Variants in MACROD1 observed in about 807,000 individuals in gnomAD.
MACROD1 encodes mono-ADP ribosylhydrolase 1, also known as ADP-ribose glycohydrolase MACROD1.
A neutral mutation model predicts 41.4 loss-of-function variants in MACROD1; 31 were observed. The observed-to-expected ratio is 0.75, with a 90% CI of 0.56 to 1.01. MACROD1 has a LOEUF of 1.01. Ranked by LOEUF, MACROD1 falls within the 50% of genes least tolerant of loss-of-function variation. The pLI is 0.00. For synonymous variants in MACROD1, 252 were observed against 203.4 expected, an observed-to-expected ratio of 1.24 and a Z score of -2.03; for missense variants, 473 against 460.0, an observed-to-expected ratio of 1.03 and a Z score of -0.26.
rs776442181 is a variant in MACROD1, at chr11:63,998,998, G to A, written c.930C>T (p.Asp310=). The A allele has an allele frequency of 1.3e-5, 21 of 1,608,978 alleles. No individual in the cohort carries two copies. Among genetic ancestry groups the A allele is most frequent in the South Asian group, 5.5e-5 (5 of 90,494 alleles). ...RLIICVFLEK[D]EDIYRSRLPH... ...GGAGCCGGCTCCGGTAGATGTCCTC[G>A]TCCTTCTCGAGGAACACGCAGATGA... Residue 310 remains aspartate, a synonymous_variant, in exon 9 of 11, where the codon GAC becomes GAT. Transcript: ENST00000255681.
chr11:64,040,248 G>A (rs1034411405), intron 3 of MACROD1, among the ~76,000 whole-genome samples: 1 of 152,090 alleles, frequency 6.6e-6, no homozygotes, highest in Non-Finnish European at 1.5e-5. Flanking sequence ...AGTAACAGAG[G>A]GGCCTGCTGA....
At chr11:64,073,800 C>T (rs1183756477) in intron 3 of MACROD1, among the ~76,000 whole-genome samples, 1 of 152,230 alleles carries the variant, frequency 6.6e-6, no homozygotes, top group Non-Finnish European at 1.5e-5. Flanking sequence ...CCAGCAGCCG[C>T]ATCCAGCCCT....
intron 3 of MACROD1, among the ~76,000 whole-genome samples, chr11:64,073,377 TG>T (rs966453371): frequency 4.6e-5 from 7 of 152,148 alleles, no homozygotes; most frequent in African/African-American, 1.7e-4. Flanking sequence ...AGACCAGACT[TG>T]GGGGTCCCAG....
intron 3 of MACROD1, among the ~76,000 whole-genome samples, chr11:64,112,607 A>C (rs767311365): frequency 1.7e-4 from 26 of 151,972 alleles, no homozygotes; most frequent in Middle Eastern, 3.4e-3. Flanking sequence ...AACTGAGAGG[A>C]GTATCTGGGA....
chr11:64,150,933 C>G (rs1945565869), intron 3 of MACROD1, among the ~76,000 whole-genome samples: 1 of 152,224 alleles, frequency 6.6e-6, no homozygotes, highest in African/African-American at 2.4e-5. Context: ...CCCCCAAGGT[C>G]AGACCTCCCC....
At chr11:64,058,809 C>T (rs1035545292) in intron 3 of MACROD1, among the ~76,000 whole-genome samples, 3 of 152,104 alleles carry the variant, frequency 2.0e-5, no homozygotes, top group African/African-American at 2.4e-5. Flanking sequence ...TCCTCTCTGA[C>T]GGGTGGGAGG....
At chr11:64,077,966 GCCTCCTTTCCCCTGCCT>G (rs970403133) in intron 3 of MACROD1, among the ~76,000 whole-genome samples, 76 of 150,398 alleles carry the variant, frequency 5.1e-4, no homozygotes, top group African/African-American at 1.8e-3. Flanking sequence ...GCTCAGCCTG[GCCTCCTTTCCCCTGCCT>G]CCTCCTCAGC....
At chr11:64,000,144 T>C (rs1942796026) in intron 5 of MACROD1, 83 bp downstream of exon 5, 1 of 1,148,132 alleles carries the variant, frequency 8.7e-7, no homozygotes, top group South Asian at 1.3e-5. Context: ...CCAGCACTCC[T>C]GTGGGGGCCG....
At chr11:64,083,468 A>G (rs1488635833) in intron 3 of MACROD1, among the ~76,000 whole-genome samples, 1 of 152,104 alleles carries the variant, frequency 6.6e-6, no homozygotes, top group African/African-American at 2.4e-5. Context: ...AAAGAAGCAA[A>G]TGGCAGGATT....
chr11:64,009,901 G>T (rs374949928), intron 4 of MACROD1, among the ~76,000 whole-genome samples: 4 of 152,394 alleles, frequency 2.6e-5, no homozygotes, highest in Admixed American at 1.3e-4. Flanking sequence ...CTGAGCCCCA[G>T]TTGCGCCGGC....
intron 3 of MACROD1, among the ~76,000 whole-genome samples, chr11:64,105,907 C>T (rs142497616): frequency 1.2e-4 from 16 of 133,650 alleles, no homozygotes; most frequent in Non-Finnish European, 2.3e-4. Context: ...CAGACAATCG[C>T]TGAGGTCCTT....
At chr11:63,999,837 T>C (rs1301395343) in intron 5 of MACROD1, 74 bp from the exon 6 acceptor site, 13 of 1,499,030 alleles carry the variant, frequency 8.7e-6, no homozygotes, top group Non-Finnish European at 9.9e-6. Context: ...CCTGCCGGCC[T>C]GGGCAGAAGG....
intron 3 of MACROD1, among the ~76,000 whole-genome samples, chr11:64,127,668 C>A (rs1028288292): frequency 6.6e-6 from 1 of 152,218 alleles, no homozygotes; most frequent in Non-Finnish European, 1.5e-5. Flanking sequence ...CAGAGCTGAA[C>A]GTAGACTCCG....
intron 3 of MACROD1, among the ~76,000 whole-genome samples, chr11:64,054,978 C>T (rs947914737): frequency 6.6e-6 from 1 of 152,186 alleles, no homozygotes; most frequent in East Asian, 1.9e-4. Flanking sequence ...TCCTACCAGC[C>T]CTTTCCTACC....
At chr11:64,031,943 C>T (rs1478009490) in intron 3 of MACROD1, among the ~76,000 whole-genome samples, 1 of 152,226 alleles carries the variant, frequency 6.6e-6, no homozygotes, top group Admixed American at 6.5e-5. Flanking sequence ...GGAGGTGATA[C>T]CCAGGCTGGG....
At chr11:64,079,100 A>G (rs1455167903) in intron 3 of MACROD1, among the ~76,000 whole-genome samples, 1 of 126,228 alleles carries the variant, frequency 7.9e-6, no homozygotes, top group African/African-American at 3.0e-5. Flanking sequence ...TCCTGGCAAG[A>G]GATGGTGCAG....
chr11:64,067,433 G>A lies in MACROD1; in HGVS notation c.518-52152C>T, dbSNP rs558598133. ...CTTTCAGCTCACAAATCATGCCCCC[G>A]GCCCAGGTGACAGCCAGCACAGACG... is the stretch of plus-strand genomic sequence containing the variant. On this transcript the variant is annotated intron_variant, in intron 3 of 10. Coordinates refer to ENST00000255681, the MANE Select transcript of MACROD1 (RefSeq NM_014067.4). The surrounding 1 kb of genome is among the most constrained non-coding windows in gnomAD (Gnocchi z 4.6). Among the ~76,000 whole-genome samples the A allele has an allele frequency of 1.4e-4, 21 of 152,036 alleles. 1 individual carries two copies. The highest frequency in any genetic ancestry group is 3.4e-4 in the African/African-American group (14 of 41,406).
At chr11:64,038,845 C>A (rs1302674489) in intron 3 of MACROD1, among the ~76,000 whole-genome samples, 1 of 152,220 alleles carries the variant, frequency 6.6e-6, no homozygotes, top group Non-Finnish European at 1.5e-5. Flanking sequence ...GGGAGGGTTT[C>A]TCTACCTGGC....
intron 1 of MACROD1, among the ~76,000 whole-genome samples, chr11:64,165,049 C>T (rs963094707): frequency 3.1e-4 from 47 of 152,230 alleles, no homozygotes; most frequent in African/African-American, 1.1e-3. Flanking sequence ...CTGGCATGAG[C>T]AAACTGCTCA....
Sources: gnomAD v4.1 joint callset for allele counts (sites outside exome capture counted in the v4.1 genomes callset) on GRCh38, gnomAD v4.1.1 for gene constraint, Gnocchi (gnomAD v3.1) non-coding constraint, MANE v1.5 for transcripts, NCBI Gene and HGNC (gene_info 2026-07-23, HGNC 2026-07-21) for gene names.